The following SAFB variants were observed in gnomAD, a reference collection of about 807,000 sequenced individuals.
SAFB encodes the protein scaffold attachment factor B1.
SAFB carries 15 observed loss-of-function variants against 101.6 expected under a neutral mutation model. The observed-to-expected ratio is 0.15, with a 90% CI of 0.10 to 0.23. SAFB has a LOEUF of 0.23. Among genes scored for constraint, SAFB ranks in the 10% least tolerant of loss-of-function variants. SAFB has a pLI of 1.00. For synonymous variants in SAFB, 449 were observed against 407.5 expected (o/e 1.10, Z -1.23); for missense variants, 930 against 1,104.1 (o/e 0.84, Z 2.23).
At chr19:5,638,906 G>T (rs1036916143) in intron 2 of SAFB, among the ~76,000 whole-genome samples, 9 of 151,026 alleles carry the variant, frequency 6.0e-5, no homozygotes, top group African/African-American at 2.2e-4. Context: ...ATTTTTAGTA[G>T]AGACGCGGTT....
chr19:5,664,057 C>G lies in SAFB; in HGVS notation c.2189C>G (p.Ala730Gly). The G allele has an allele frequency of 6.2e-7, 1 of 1,614,030 alleles. No individual in the cohort carries two copies. The highest frequency in any genetic ancestry group is 8.5e-7 in the Non-Finnish European group (1 of 1,180,014). The change falls in exon 16 of 21, where the codon GCC becomes GGC. Residue 730 changes from alanine to glycine, a missense_variant. Physicochemically the swap from Ala to Gly is moderately conservative, Grantham distance 60 (BLOSUM62 0). Coordinates refer to ENST00000588852, the MANE Select transcript of SAFB (RefSeq NM_001201338.2). ...GCCTATTGGCCGGAAGCCAAGCGGGCCGCCCTGGATGAGCGCTACCATTCT... is the reference window on the plus strand; with the variant it reads ...GCCTATTGGCCGGAAGCCAAGCGGGGCGCCCTGGATGAGCGCTACCATTCT... ...DDAYWPEAKR[A>G]ALDERYHSDF...
At chr19:5,648,313 A>C (rs2053867338) in intron 6 of SAFB, 2 of 461,822 alleles carry the variant, frequency 4.3e-6, no homozygotes, top group Non-Finnish European at 7.6e-6. Context: ...GCATTGAATC[A>C]TACATAGAGA....
At chr19:5,644,723 A>G (rs1009416137) in intron 4 of SAFB, among the ~76,000 whole-genome samples, 1 of 152,252 alleles carries the variant, frequency 6.6e-6, no homozygotes, top group Non-Finnish European at 1.5e-5. Context: ...TCAGTCACAA[A>G]TTATCTGAAC....
intron 5 of SAFB, among the ~76,000 whole-genome samples, chr19:5,647,164 CTTAG>C (rs1486715203): frequency 6.6e-6 from 1 of 152,154 alleles, no homozygotes; most frequent in East Asian, 1.9e-4. Flanking sequence ...AGCTCCTTTG[CTTAG>C]TGGGGCACAG....
rs926236790 is a variant in SAFB at position 5,667,591 on chromosome 19, C to T, written c.2557+141C>T. ...GAGGAATGAAGAGCACTCCAGACAC[C>T]GCCTGCTCTCTGGTGGTCTGGCCCA... On this transcript the variant is annotated intron_variant, in intron 19 of 20. Transcript: ENST00000588852. The surrounding 1 kb of genome is among the most constrained non-coding windows in gnomAD (Gnocchi z 4.0). 1.5e-5 allele frequency: 11 copies of T among 711,540 alleles called. 1 individual carries two copies. The highest frequency in any genetic ancestry group is 7.2e-5 in the African/African-American group (4 of 55,524). 44.1% of individuals were successfully genotyped at this position (711,540 alleles called of 1,614,324 possible).
At chr19:5,643,386 C>T (rs900907882) in intron 4 of SAFB, among the ~76,000 whole-genome samples, 1 of 152,100 alleles carries the variant, frequency 6.6e-6, no homozygotes, top group Non-Finnish European at 1.5e-5. Flanking sequence ...TTTTGCATTT[C>T]CTCTTGGAAC....
chr19:5,637,389 C>T (rs956198233), intron 2 of SAFB, among the ~76,000 whole-genome samples: 9 of 150,768 alleles, frequency 6.0e-5, no homozygotes, highest in South Asian at 4.2e-4. Context: ...TGTGGTGACT[C>T]GTGCCTGTAA....
At chr19:5,624,016 G>C (rs989387969) in intron 1 of SAFB, 1 of 152,314 alleles carries the variant, frequency 6.6e-6, no homozygotes, top group Non-Finnish European at 1.5e-5. Flanking sequence ...AAGGAAAAGT[G>C]GTGTTGACGG....
chr19:5,651,162 T>G, intron 9 of SAFB, 90 bp downstream of exon 9: 1 of 770,962 alleles, frequency 1.3e-6, no homozygotes, highest in South Asian at 1.8e-5. Flanking sequence ...GTGAGTTCTT[T>G]GAGAGATACC....
At chr19:5,661,414 C>A in intron 14 of SAFB, 104 bp from the exon 15 acceptor site, 1 of 1,535,308 alleles carries the variant, frequency 6.5e-7, no homozygotes, top group Non-Finnish European at 8.8e-7. Context: ...ACGTAGTGGA[C>A]GCACAGCCCT....
chr19:5,654,159 A>G lies in SAFB; in HGVS notation c.1625A>G (p.Gln542Arg), dbSNP rs763187639. ...SGEKSKDQDD[Q>R]KPGPSERSRA... ...GAAAAGAGTAAGGACCAAGATGATC[A>G]GAAACCTGGCCCCTCAGAGCGATCT... is the stretch of plus-strand genomic sequence containing the variant. Residue 542 changes from glutamine to arginine, a missense_variant, in exon 12 of 21, where the codon CAG becomes CGG. Transcript: ENST00000588852. 2 of 1,614,246 alleles carry G rather than the reference A, an allele frequency of 1.2e-6. No homozygotes were observed. Among genetic ancestry groups the G allele is most frequent in the African/African-American group, 1.3e-5 (1 of 75,064 alleles).
intron 17 of SAFB, 23 bp downstream of exon 17, chr19:5,664,462 A>G: frequency 6.3e-7 from 1 of 1,599,562 alleles, no homozygotes; most frequent in Non-Finnish European, 8.6e-7. Flanking sequence ...CTACAGTGGT[A>G]GCCACAGAAT....
At chr19:5,659,423 C>G (rs1290140258) in intron 14 of SAFB, among the ~76,000 whole-genome samples, 1 of 151,872 alleles carries the variant, frequency 6.6e-6, no homozygotes, top group African/African-American at 2.4e-5. Flanking sequence ...GCTCTGTCTC[C>G]CAGGCTGGAG....
intron 2 of SAFB, among the ~76,000 whole-genome samples, chr19:5,637,377 G>A (rs549937581): frequency 2.8e-4 from 43 of 151,462 alleles, no homozygotes; most frequent in Admixed American, 4.6e-4. Context: ...TTTCAGGCTG[G>A]ATGTGGTGAC....
chr19:5,650,189 T>C (rs748593193), intron 8 of SAFB, among the ~76,000 whole-genome samples: 29 of 152,210 alleles, frequency 1.9e-4, no homozygotes, highest in Non-Finnish European at 3.4e-4. Flanking sequence ...TTGGTGCAGA[T>C]CCTTGTGTTG....
chr19:5,665,363 C>G (rs1306383873), intron 17 of SAFB: 1 of 152,172 alleles, frequency 6.6e-6, no homozygotes, highest in East Asian at 1.9e-4. Context: ...GGCGTCACAC[C>G]TTGGTGTCAC....
intron 2 of SAFB, among the ~76,000 whole-genome samples, chr19:5,639,223 GACA>G (rs1020197697): frequency 6.6e-6 from 1 of 152,142 alleles, no homozygotes; most frequent in African/African-American, 2.4e-5. Context: ...TTCCAAATGG[GACA>G]ACTATTGGGA....
chr19:5,654,306 A>C, intron 12 of SAFB, 62 bp from the exon 13 acceptor site: 1 of 1,587,784 alleles, frequency 6.3e-7, no homozygotes, highest in East Asian at 2.2e-5. Flanking sequence ...CATGTTGCAG[A>C]GGGTTTTTCT....
rs373663792 is a variant in SAFB at position 5,648,088 on chromosome 19, C to T, written c.637+45C>T. The T allele has an allele frequency of 7.3e-6, 11 of 1,501,334 alleles. No homozygotes were observed. In the African/African-American group the frequency reaches 1.4e-4, roughly 19 times the overall value. 93.0% of individuals were successfully genotyped at this position (1,501,334 alleles called of 1,614,324 possible). A position where few individuals can be genotyped will look rare whatever the true frequency, so the allele number is the denominator to read the frequency against. ...TTACCAGCGGGGGTTTGGAACCATT[C>T]TAGTTTTCCACCTTCTCTAATTTGA... On this transcript the variant is annotated intron_variant, in intron 6 of 20. Transcript: ENST00000588852.
Sources: gnomAD v4.1 joint callset for allele counts (sites outside exome capture counted in the v4.1 genomes callset) on GRCh38, gnomAD v4.1.1 for gene constraint, Gnocchi (gnomAD v3.1) non-coding constraint, MANE v1.5 for transcripts, NCBI Gene and HGNC (gene_info 2026-07-23, HGNC 2026-07-21) for gene names.